Variants in BBOX1 observed in about 807,000 individuals in gnomAD.
BBOX1 encodes gamma-butyrobetaine dioxygenase.
A neutral mutation model predicts 41.6 loss-of-function variants in BBOX1; 35 were observed. That is an observed-to-expected ratio of 0.84 (90% confidence interval 0.64 to 1.11). The LOEUF is 1.11. BBOX1 is among the 50% of genes most tolerant of loss of function. The pLI, the probability that BBOX1 is intolerant of heterozygous loss-of-function variation, is 0.00. For missense variants in BBOX1, 458 were observed against 460.6 expected (o/e 0.99, Z 0.05); for synonymous variants, 163 against 154.7 (o/e 1.05, Z -0.40).
In BBOX1 at chr11:27,055,614, A is replaced by G; in HGVS notation, c.184A>G (p.Ile62Val). Residue 62 changes from isoleucine (I) to valine (V), a missense_variant, in exon 3 of 9, where the codon ATT becomes GTT. Coordinates refer to ENST00000263182, the MANE Select transcript of BBOX1 (RefSeq NM_003986.3). Reference protein sequence around the residue: ...KLLVEALDVNIGIKGLIFDRK... With the variant: ...KLLVEALDVNVGIKGLIFDRK... ...TCTAGTGGAAGCTCTTGATGTGAAC[A>G]TTGGAATTAAAGGCTTGATATTTGA... 1 of 1,614,106 alleles carries G rather than the reference A, an allele frequency of 6.2e-7. No homozygotes were observed. Among genetic ancestry groups the G allele is most frequent in the Non-Finnish European group, 8.5e-7 (1 of 1,179,944 alleles).
At chr11:27,103,308 A>G (rs1382258403) in intron 5 of BBOX1, among the ~76,000 whole-genome samples, 2 of 152,042 alleles carry the variant, frequency 1.3e-5, no homozygotes, top group African/African-American at 4.8e-5. Flanking sequence ...TTCTGGGAGG[A>G]TATGATTTGT....
At chr11:27,097,547 A>G (rs938949366) in intron 5 of BBOX1, among the ~76,000 whole-genome samples, 1 of 152,054 alleles carries the variant, frequency 6.6e-6, no homozygotes, top group Non-Finnish European at 1.5e-5. Flanking sequence ...ATGAAAAAGT[A>G]CCTTTTGTAA....
chr11:27,124,326 T>C (rs1859569349), intron 7 of BBOX1, among the ~76,000 whole-genome samples: 1 of 152,150 alleles, frequency 6.6e-6, no homozygotes. Flanking sequence ...TCAGTTTGCA[T>C]GCATTCATCC....
chr11:27,098,712 A>G (rs1360206496), intron 5 of BBOX1, among the ~76,000 whole-genome samples: 3 of 152,074 alleles, frequency 2.0e-5, no homozygotes, highest in African/African-American at 7.2e-5. Flanking sequence ...TGGAGAGTCC[A>G]GGGAATTATT....
chr11:27,098,122 C>T (rs557863012), intron 5 of BBOX1, among the ~76,000 whole-genome samples: 1 of 152,060 alleles, frequency 6.6e-6, no homozygotes, highest in East Asian at 1.9e-4. Flanking sequence ...CTACAGACAA[C>T]CTGTGCCAAG....
rs1475675816 is a variant in BBOX1, at chr11:27,055,442, C to T, written c.12C>T (p.Thr4=). The T allele has an allele frequency of 6.2e-7, 1 of 1,613,568 alleles. No homozygotes were observed. Among genetic ancestry groups the T allele is most frequent in the Non-Finnish European group, 8.5e-7 (1 of 1,180,014 alleles). Residue 4 remains threonine, a synonymous_variant, in exon 3 of 9, where the codon ACC becomes ACT. Transcript: ENST00000263182. MAC[T]IQKAEALDGA... The stretch of plus-strand genomic sequence containing the variant: ...TGAAGACCGGAAACATGGCTTGTAC[C>T]ATCCAAAAGGCAGAAGCACTTGACG...
chr11:27,044,924 T>C (rs1851447007), intron 2 of BBOX1, among the ~76,000 whole-genome samples: 1 of 152,168 alleles, frequency 6.6e-6, no homozygotes. Context: ...TCTTTTTTGG[T>C]TCCACATGAA....
intron 7 of BBOX1, 22 bp from the exon 8 acceptor site, chr11:27,125,632 A>G (rs1441310623): frequency 1.4e-6 from 2 of 1,471,774 alleles, no homozygotes; most frequent in Non-Finnish European, 1.8e-6. Context: ...TTATATATTA[A>G]TTTTTTCTCT....
At chr11:27,081,049 T>C (rs1446365448) in intron 4 of BBOX1, among the ~76,000 whole-genome samples, 2 of 152,146 alleles carry the variant, frequency 1.3e-5, no homozygotes, top group East Asian at 3.9e-4. Context: ...GTCATGCAGA[T>C]AGGAAATGTT....
intron 4 of BBOX1, among the ~76,000 whole-genome samples, chr11:27,076,489 T>C (rs1857634854): frequency 6.6e-6 from 1 of 152,174 alleles, no homozygotes; most frequent in Admixed American, 6.5e-5. Flanking sequence ...GATGCTGTAA[T>C]GGACTGTGTC....
chr11:27,116,625 CA>C (rs1411283974), intron 6 of BBOX1, among the ~76,000 whole-genome samples: 1 of 151,936 alleles, frequency 6.6e-6, no homozygotes, highest in East Asian at 1.9e-4. Flanking sequence ...TGGCTTGGGA[CA>C]GATTGACTTT....
chr11:27,089,625 T>A (rs1032920620), intron 4 of BBOX1, among the ~76,000 whole-genome samples: 2 of 152,144 alleles, frequency 1.3e-5, no homozygotes, highest in Admixed American at 6.6e-5. Flanking sequence ...CAAATGGTGA[T>A]GGGAAATCGA....
intron 4 of BBOX1, among the ~76,000 whole-genome samples, chr11:27,082,346 G>A (rs556127467): frequency 1.1e-4 from 17 of 152,166 alleles, no homozygotes; most frequent in East Asian, 3.9e-4. Context: ...CCTGTTCCAC[G>A]GGGAGGTGTG....
chr11:27,075,162 T>G (rs1857592413), intron 4 of BBOX1, among the ~76,000 whole-genome samples: 1 of 152,226 alleles, frequency 6.6e-6, no homozygotes, highest in South Asian at 2.1e-4. Context: ...CCCTGAAGGA[T>G]GTGACTTTAA....
At chr11:27,100,210 T>G (rs2134059594) in intron 5 of BBOX1, among the ~76,000 whole-genome samples, 1 of 152,254 alleles carries the variant, frequency 6.6e-6, no homozygotes, top group Non-Finnish European at 1.5e-5. Context: ...CCTCCAAATC[T>G]GACTTTGAAA....
Position 27,125,676 on chromosome 11 carries a change from G to A in BBOX1, c.859G>A (p.Val287Ile), listed in dbSNP as rs995823547. The stretch of plus-strand genomic sequence containing the variant: ...CAGGTTAGATGATAAAGGCCAAGTG[G>A]TTCGCATCAACTTCAATAACGCAAC... ...IIELDDKGQVVRINFNNATRD... is the reference protein window; with the variant it reads ...IIELDDKGQVIRINFNNATRD... Residue 287 changes from valine (V) to isoleucine (I), a missense_variant, in exon 8 of 9, where the codon GTT becomes ATT. By Grantham distance (29) the Val-to-Ile change is conservative. Coordinates refer to ENST00000263182, the MANE Select transcript of BBOX1 (RefSeq NM_003986.3). The A allele has an allele frequency of 3.2e-6, 5 of 1,580,788 alleles. No individual in the cohort carries two copies. Among genetic ancestry groups the A allele is most frequent in the Non-Finnish European group, 4.3e-6 (5 of 1,162,876 alleles).
chr11:27,117,003 A>T (rs189619776), intron 6 of BBOX1, among the ~76,000 whole-genome samples: 1 of 152,020 alleles, frequency 6.6e-6, no homozygotes, highest in Non-Finnish European at 1.5e-5. Context: ...CTCTGGGTGG[A>T]CATTCTTTCT....
chr11:27,094,392 G>A (rs917030052), intron 5 of BBOX1, among the ~76,000 whole-genome samples: 4 of 151,924 alleles, frequency 2.6e-5, no homozygotes, highest in African/African-American at 9.7e-5. Flanking sequence ...GGAAGCACAC[G>A]AGCTGTATTC....
At chr11:27,065,399 T>C (rs1032045050) in intron 4 of BBOX1, among the ~76,000 whole-genome samples, 6 of 152,228 alleles carry the variant, frequency 3.9e-5, no homozygotes, top group Admixed American at 1.3e-4. Context: ...TGTAATCTAT[T>C]ATTCTCATTT....
Sources: allele counts gnomAD v4.1 joint callset (sites outside exome capture counted in the v4.1 genomes callset), GRCh38; gene constraint gnomAD v4.1.1; transcripts MANE v1.5; gene names NCBI Gene and HGNC (gene_info 2026-07-23, HGNC 2026-07-21).